ANGPT2: variants seen among roughly 807,000 people sequenced by gnomAD.
ANGPT2 encodes the protein angiopoietin-2.
In ANGPT2, 28 loss-of-function variants were observed where a neutral mutation model predicts 62.9. That is an observed-to-expected ratio of 0.44 (90% CI 0.33 to 0.61). The LOEUF (loss-of-function observed/expected upper bound fraction) is 0.61. ANGPT2 is among the 20% of genes least tolerant of loss of function. ANGPT2 has a pLI of 0.03. For missense variants in ANGPT2, 727 were observed against 594.9 expected (o/e 1.22, Z -2.31); for synonymous variants, 284 against 207.8 (o/e 1.37, Z -3.15).
At chr8:6,523,102 A>G (rs1294342037) in intron 3 of ANGPT2, among the ~76,000 whole-genome samples, 1 of 151,836 alleles carries the variant, frequency 6.6e-6, no homozygotes, top group South Asian at 2.1e-4. Context: ...GGTTCAAGCT[A>G]TTCTCCTGCC....
At chr8:6,551,040 G>A (rs1443560784) in intron 1 of ANGPT2, among the ~76,000 whole-genome samples, 1 of 152,194 alleles carries the variant, frequency 6.6e-6, no homozygotes, top group Non-Finnish European at 1.5e-5. Flanking sequence ...GCACTCCAAG[G>A]CCCTTGTTTT....
At chr8:6,527,494 C>G (rs1211232836) in intron 3 of ANGPT2, 61 bp downstream of exon 3, 6 of 1,567,786 alleles carry the variant, frequency 3.8e-6, no homozygotes, top group Non-Finnish European at 5.2e-6. Flanking sequence ...CATTTGAGAC[C>G]GACTTTCATA....
chr8:6,543,179 T>A (rs1821918751), intron 1 of ANGPT2, among the ~76,000 whole-genome samples: 1 of 152,006 alleles, frequency 6.6e-6, no homozygotes, highest in African/African-American at 2.4e-5. Context: ...AGAATTCCAA[T>A]GGATAGAATT....
intron 2 of ANGPT2, among the ~76,000 whole-genome samples, chr8:6,528,969 C>T (rs973562943): frequency 2.6e-5 from 4 of 152,168 alleles, no homozygotes; most frequent in African/African-American, 9.7e-5. Context: ...ATACATTTGG[C>T]CTACGTCTTC....
At chr8:6,552,921 T>C (rs951737443) in intron 1 of ANGPT2, among the ~76,000 whole-genome samples, 1 of 151,928 alleles carries the variant, frequency 6.6e-6, no homozygotes, top group Non-Finnish European at 1.5e-5. Context: ...AAACTGAAGA[T>C]AGTAAAAGGA....
In ANGPT2 at chr8:6,501,553, C is replaced by CTTTTTTTTTTTTTTTTTTTTTT. The variant is rs761570329; in HGVS notation, c.*1547_*1548insAAAAAAAAAAAAAAAAAAAAAA. ...TGTGTTCTCAAATTTTCTTTTCTTTCTTTTTTTTTTTTTTTTTTTGAGATG... is the reference window on the plus strand; with the variant it reads ...TGTGTTCTCAAATTTTCTTTTCTTTCTTTTTTTTTTTTTTTTTTTTTTTTTTTTTTTTTTTTTTTTTGAGATG... On this transcript the variant is annotated 3_prime_UTR_variant, in exon 9 of 9. Transcript: ENST00000629816. 7.8e-6 allele frequency: 1 copy of CTTTTTTTTTTTTTTTTTTTTTT among 128,050 alleles called. No individual in the cohort carries two copies. Among genetic ancestry groups the CTTTTTTTTTTTTTTTTTTTTTT allele is most frequent in the Non-Finnish European group, 1.7e-5 (1 of 59,494 alleles). The allele number at this position is 128,050 out of a possible 1,614,324, so 7.9% of individuals were successfully genotyped here.
At chr8:6,537,198 C>A (rs1217123844) in intron 1 of ANGPT2, among the ~76,000 whole-genome samples, 1 of 152,118 alleles carries the variant, frequency 6.6e-6, no homozygotes, top group African/African-American at 2.4e-5. Context: ...GAATGTTTGC[C>A]ATCGCCTTCA....
At chr8:6,523,068 G>C (rs894011793) in intron 3 of ANGPT2, among the ~76,000 whole-genome samples, 1 of 151,904 alleles carries the variant, frequency 6.6e-6, no homozygotes, top group African/African-American at 2.4e-5. Flanking sequence ...TGCCATCTTG[G>C]CTCACTGCAA....
chr8:6,524,135 G>A (rs916035490), intron 3 of ANGPT2, among the ~76,000 whole-genome samples: 1 of 152,122 alleles, frequency 6.6e-6, no homozygotes, highest in Non-Finnish European at 1.5e-5. Context: ...CCAATATAAA[G>A]TTTAGTACAC....
At chr8:6,535,492 G>A (rs1432861893) in intron 1 of ANGPT2, among the ~76,000 whole-genome samples, 1 of 152,206 alleles carries the variant, frequency 6.6e-6, no homozygotes, top group Non-Finnish European at 1.5e-5. Context: ...TAGGTTCACA[G>A]TGGGTGAGCT....
chr8:6,499,880 G>T lies in ANGPT2; in HGVS notation c.*3221C>A. ...CTATGGTCTTTAGAATTGGGTCACTGGATTTCTGAGGAGCCGTTCGAACTG... is the reference window on the plus strand; with the variant it reads ...CTATGGTCTTTAGAATTGGGTCACTTGATTTCTGAGGAGCCGTTCGAACTG... On this transcript the variant is annotated 3_prime_UTR_variant, in exon 9 of 9. Coordinates refer to ENST00000629816, the MANE Select transcript of ANGPT2 (RefSeq NM_001118887.2). 7 of 1,613,514 alleles carry T rather than the reference G, an allele frequency of 4.3e-6. No individual in the cohort carries two copies. Among genetic ancestry groups the T allele is most frequent in the Non-Finnish European group, 5.9e-6 (7 of 1,179,994 alleles).
chr8:6,562,594 G>A lies in ANGPT2; in HGVS notation c.288+53C>T, dbSNP rs1335238762. The A allele has an allele frequency of 2.0e-5, 6 of 292,764 alleles. No homozygotes were observed. The East Asian group carries it at 6.9e-4, about 34-fold the overall frequency. 18.1% of individuals were successfully genotyped at this position (292,764 alleles called of 1,614,324 possible). A position where few individuals can be genotyped will look rare whatever the true frequency, so the allele number is the denominator to read the frequency against. On this transcript the variant is annotated intron_variant, in intron 1 of 8. Coordinates refer to ENST00000629816, the MANE Select transcript of ANGPT2 (RefSeq NM_001118887.2). ...TTTGGTTGTTAAAACCTGAGCTGCT[G>A]CCAAGCTGATCTTAATAGCATGTTC...
chr8:6,514,190 G>C (rs1167513327), intron 6 of ANGPT2, among the ~76,000 whole-genome samples: 1 of 152,120 alleles, frequency 6.6e-6, no homozygotes, highest in Non-Finnish European at 1.5e-5. Context: ...AATAAGCTAA[G>C]TAGTGGCAGC....
At chr8:6,523,153 A>G (rs1817682180) in intron 3 of ANGPT2, among the ~76,000 whole-genome samples, 1 of 152,006 alleles carries the variant, frequency 6.6e-6, no homozygotes, top group African/African-American at 2.4e-5. Flanking sequence ...GCATGTCACC[A>G]TGTCAGGCTA....
intron 1 of ANGPT2, among the ~76,000 whole-genome samples, chr8:6,558,741 C>G (rs1825046671): frequency 6.6e-6 from 1 of 152,064 alleles, no homozygotes; most frequent in South Asian, 2.1e-4. Flanking sequence ...AGTGTGATAT[C>G]TAAATAGTTA....
Position 6,532,211 on chromosome 8 carries a change from C to G in ANGPT2, c.444+121G>C, listed in dbSNP as rs1368695513. ...TCCTTAATTTCTTATCAATTCATTC[C>G]TTTTCTCCTGTGGTGGTGCTTTCTT... On this transcript the variant is annotated intron_variant, in intron 2 of 8. Coordinates refer to ENST00000629816, the MANE Select transcript of ANGPT2 (RefSeq NM_001118887.2). 16 of 1,158,644 alleles carry G rather than the reference C, an allele frequency of 1.4e-5. No individual in the cohort carries two copies. The East Asian group carries it at 3.3e-4, about 24-fold the overall frequency. 71.8% of individuals were successfully genotyped at this position (1,158,644 alleles called of 1,614,324 possible).
Position 6,503,277 on chromosome 8 carries a change from A to C in ANGPT2, c.1328-16T>G. On this transcript the variant is annotated splice_polypyrimidine_tract_variant and intron_variant, in intron 8 of 8. Transcript: ENST00000629816. ...AACCACCAGCCTGTGAAAGTAAAAC[A>C]CAGAAGGAATTAGGAACTAGGTGAT... The C allele has an allele frequency of 1.9e-6, 3 of 1,613,962 alleles. No homozygotes were observed. The highest frequency in any genetic ancestry group is 2.5e-6 in the Non-Finnish European group (3 of 1,179,922).
At chr8:6,549,074 A>T (rs897149891) in intron 1 of ANGPT2, among the ~76,000 whole-genome samples, 7 of 152,236 alleles carry the variant, frequency 4.6e-5, no homozygotes, top group African/African-American at 9.6e-5. Flanking sequence ...ATTAGAAGGC[A>T]GGTTAGTCTT....
intron 1 of ANGPT2, 69 bp downstream of exon 1, chr8:6,562,578 T>TTTTTTTTTTTTTTTTTTTTTTAA: frequency 2.3e-6 from 2 of 880,186 alleles, no homozygotes; most frequent in Non-Finnish European, 3.1e-6. Context: ...TTTTGGTTGT[T>TTTTTTTTTTTTTTTTTTTTTTAA]AAAACCTGAG....
Sources: allele counts gnomAD v4.1 joint callset (sites outside exome capture counted in the v4.1 genomes callset), GRCh38; gene constraint gnomAD v4.1.1; transcripts MANE v1.5; gene names NCBI Gene and HGNC (gene_info 2026-07-23, HGNC 2026-07-21).